The following FTO variants were observed in gnomAD, a reference collection of about 807,000 sequenced individuals.
FTO encodes the protein FTO alpha-ketoglutarate dependent dioxygenase, also known as alpha-ketoglutarate-dependent dioxygenase FTO.
Under a neutral mutation model 63.9 loss-of-function variants are expected in FTO, and 47 were observed. That is an observed-to-expected ratio of 0.74 (90% CI 0.58 to 0.94). The LOEUF is 0.94. Ranked by LOEUF, FTO falls within the 40% of genes least tolerant of loss-of-function variation. The pLI, the probability that FTO is intolerant of heterozygous loss-of-function variation, is 0.00. For synonymous variants in FTO, 207 were observed against 224.4 expected (o/e 0.92, Z 0.69); for missense variants, 562 against 618.1 (o/e 0.91, Z 0.96).
chr16:53,778,535 T>C (rs2077513463), intron 1 of FTO, among the ~76,000 whole-genome samples: 1 of 152,238 alleles, frequency 6.6e-6, no homozygotes, highest in Non-Finnish European at 1.5e-5. Flanking sequence ...AGTATTATTC[T>C]GAAAATAGTA....
Position 53,869,403 on chromosome 16 carries a change from G to A in FTO, c.896-4383G>A, listed in dbSNP as rs369267232. ...TTTTCCTGAGCTTCCCGAGTCTCTA[G>A]TTTGGTGTCTAACATTAATTTAAGA... On this transcript the variant is annotated intron_variant, in intron 4 of 8. Coordinates refer to ENST00000471389, the MANE Select transcript of FTO (RefSeq NM_001080432.3). Among the ~76,000 whole-genome samples, 6 of 152,048 alleles carry A rather than the reference G, an allele frequency of 3.9e-5. 1 individual carries two copies. Among genetic ancestry groups the A allele is most frequent in the African/African-American group, 1.4e-4 (6 of 41,516 alleles).
intron 8 of FTO, among the ~76,000 whole-genome samples, chr16:54,098,048 A>G (rs117630093): frequency 2.0e-3 from 308 of 152,302 alleles, no homozygotes; most frequent in Non-Finnish European, 3.6e-3. Flanking sequence ...AGCACAGTGA[A>G]CAATGGGATG....
chr16:53,974,164 G>A (rs1414091720), intron 8 of FTO, among the ~76,000 whole-genome samples: 1 of 152,122 alleles, frequency 6.6e-6, no homozygotes, highest in African/African-American at 2.4e-5. Flanking sequence ...ATGCCGACTT[G>A]CGGTGAGACC....
At chr16:53,844,342 A>G (rs371714841) in intron 4 of FTO, 44 bp downstream of exon 4, 2 of 1,414,954 alleles carry the variant, frequency 1.4e-6, no homozygotes, top group South Asian at 2.3e-5. Context: ...TCTAGTGTCT[A>G]AATTTAGATT....
chr16:54,041,645 T>C (rs928758713), intron 8 of FTO, among the ~76,000 whole-genome samples: 3 of 152,090 alleles, frequency 2.0e-5, no homozygotes, highest in South Asian at 2.1e-4. Flanking sequence ...TATGAGTCCA[T>C]AGGGGGCAAA....
At chr16:53,900,789 G>A (rs1256060141) in intron 7 of FTO, among the ~76,000 whole-genome samples, 1 of 151,932 alleles carries the variant, frequency 6.6e-6, no homozygotes, top group East Asian at 1.9e-4. Flanking sequence ...GATGGAGATG[G>A]GTGGAGAATA....
At chr16:53,843,829 T>TAA (rs1555483820) in intron 3 of FTO, among the ~76,000 whole-genome samples, 1 of 151,420 alleles carries the variant, frequency 6.6e-6, no homozygotes, top group African/African-American at 2.4e-5. Flanking sequence ...TTTTTTTTTT[T>TAA]AATAGAGATG....
At chr16:53,789,852 A>G (rs1044787849) in intron 1 of FTO, among the ~76,000 whole-genome samples, 2 of 147,762 alleles carry the variant, frequency 1.4e-5, no homozygotes, top group African/African-American at 2.5e-5. Context: ...CAGACAAATT[A>G]TATAAATGTA....
intron 8 of FTO, among the ~76,000 whole-genome samples, chr16:53,947,887 A>T (rs917763058): frequency 1.3e-5 from 2 of 152,108 alleles, no homozygotes; most frequent in African/African-American, 4.8e-5. Flanking sequence ...GGGGCCTTGG[A>T]GAATTGGGAA....
At chr16:53,871,206 T>C (rs1401434351) in intron 4 of FTO, among the ~76,000 whole-genome samples, 1 of 152,186 alleles carries the variant, frequency 6.6e-6, no homozygotes, top group Non-Finnish European at 1.5e-5. Flanking sequence ...TTTCATGAAA[T>C]TTGGTGAATT....
chr16:53,980,125 A>C (rs1234061566), intron 8 of FTO, among the ~76,000 whole-genome samples: 3 of 152,210 alleles, frequency 2.0e-5, no homozygotes, highest in South Asian at 4.1e-4. Flanking sequence ...CCCACCCTTA[A>C]GTCAAGAAGA....
intron 7 of FTO, among the ~76,000 whole-genome samples, chr16:53,916,506 C>T (rs1477415380): frequency 4.6e-5 from 7 of 152,146 alleles, no homozygotes; most frequent in Non-Finnish European, 1.0e-4. Flanking sequence ...TTCTAATGAG[C>T]TTATAGATGG....
chr16:53,931,904 A>ACACG (rs1158820426), intron 7 of FTO, among the ~76,000 whole-genome samples: 26 of 151,274 alleles, frequency 1.7e-4, no homozygotes, highest in African/African-American at 5.6e-4. Context: ...ACACACACAC[A>ACACG]CACGCACATA....
intron 3 of FTO, among the ~76,000 whole-genome samples, chr16:53,838,031 T>C (rs1258320851): frequency 2.0e-5 from 3 of 152,208 alleles, no homozygotes; most frequent in Non-Finnish European, 4.4e-5. Context: ...ACACACACCA[T>C]GCCATTTCCC....
chr16:54,121,729 G>A lies in FTO; in HGVS notation c.*9814G>A, dbSNP rs2087007749. 2.0e-5 allele frequency: 3 copies of A among 152,362 alleles called. No homozygotes were observed. Among genetic ancestry groups the A allele is most frequent in the Non-Finnish European group, 4.4e-5 (3 of 68,172 alleles). 9.4% of individuals were successfully genotyped at this position (152,362 alleles called of 1,614,324 possible). On this transcript the variant is annotated 3_prime_UTR_variant, in exon 9 of 9. Transcript: ENST00000471389. Reference sequence around the variant, plus strand: ...AATCTGGTCTGTGGTTTCTTTTTCGGTGGGGCATGGGGTGGGGGTGAGTGT... The same window carrying A: ...AATCTGGTCTGTGGTTTCTTTTTCGATGGGGCATGGGGTGGGGGTGAGTGT...
chr16:53,835,614 T>G (rs1348643115), intron 3 of FTO, among the ~76,000 whole-genome samples: 1 of 152,172 alleles, frequency 6.6e-6, no homozygotes, highest in East Asian at 1.9e-4. Flanking sequence ...GATCTTTTTT[T>G]GAATGTTTTA....
At chr16:53,885,692 A>G (rs2080978650) in intron 6 of FTO, among the ~76,000 whole-genome samples, 1 of 152,192 alleles carries the variant, frequency 6.6e-6, no homozygotes, top group Non-Finnish European at 1.5e-5. Flanking sequence ...TTTCTGTCTT[A>G]CAGATGACAT....
intron 1 of FTO, among the ~76,000 whole-genome samples, chr16:53,800,110 T>A (rs1168179779): frequency 1.3e-5 from 2 of 152,068 alleles, no homozygotes; most frequent in Non-Finnish European, 1.5e-5. Flanking sequence ...TTTGTGACCA[T>A]TTTTCTTTTT....
intron 8 of FTO, among the ~76,000 whole-genome samples, chr16:54,092,929 A>G (rs771420572): frequency 2.0e-5 from 3 of 152,238 alleles, no homozygotes; most frequent in Admixed American, 6.5e-5. Flanking sequence ...AGCAGCAAGG[A>G]AGCAGCATGC....
Sources: allele counts gnomAD v4.1 joint callset (sites outside exome capture counted in the v4.1 genomes callset), GRCh38; gene constraint gnomAD v4.1.1; transcripts MANE v1.5; gene names NCBI Gene and HGNC (gene_info 2026-07-23, HGNC 2026-07-21).